OGFOD3: variants seen among roughly 807,000 people sequenced by gnomAD.
OGFOD3 encodes the protein 2-oxoglutarate and iron dependent oxygenase domain containing 3, also known as 2-oxoglutarate and iron-dependent oxygenase domain-containing protein 3.
In OGFOD3, 35 loss-of-function variants were observed where a neutral mutation model predicts 39.8. That is an observed-to-expected ratio of 0.88 (90% confidence interval 0.67 to 1.17). The LOEUF (loss-of-function observed/expected upper bound fraction) is 1.17, where lower values mean the gene tolerates loss of function less well. Ranked by LOEUF, OGFOD3 falls within the 50% of genes most tolerant of loss-of-function variation. The pLI is 0.00. For missense variants in OGFOD3, 438 were observed against 454.5 expected (o/e 0.96, Z 0.33); for synonymous variants, 200 against 192.0 (o/e 1.04, Z -0.34).
intron 3 of OGFOD3, among the ~76,000 whole-genome samples, chr17:82,411,140 G>A (rs1169485693): frequency 1.3e-5 from 2 of 149,306 alleles, no homozygotes; most frequent in African/African-American, 2.5e-5. Flanking sequence ...TCTGCCTCCC[G>A]GGTTCCAGCG....
rs376337544 is a variant in OGFOD3, at chr17:82,392,326, G to C, written c.*72C>G. ...CTGTGCAACAGGAGCGGGTGGACGT[G>C]GGGGTGGGTGCACGACTGGCGCGGC... On this transcript the variant is annotated 3_prime_UTR_variant, in exon 9 of 9. Transcript: ENST00000313056. This position sits in a 1 kb window ranked among gnomAD's most constrained non-coding sequence, Gnocchi z 4.2. 2.9e-4 allele frequency: 444 copies of C among 1,521,200 alleles called. No individual in the cohort carries two copies. The African/African-American group carries it at 5.5e-3, about 19-fold the overall frequency. 94.2% of individuals were successfully genotyped at this position (1,521,200 alleles called of 1,614,324 possible).
rs1029244392 is a variant in OGFOD3 at position 82,392,589 on chromosome 17, C to T, written c.824-55G>A. 3.2e-6 allele frequency: 5 copies of T among 1,545,046 alleles called. No homozygotes were observed. In the African/African-American group the frequency reaches 6.9e-5, roughly 21 times the overall value. On this transcript the variant is annotated intron_variant, in intron 8 of 8. Coordinates refer to ENST00000313056, the MANE Select transcript of OGFOD3 (RefSeq NM_024648.3). This position sits in a 1 kb window ranked among gnomAD's most constrained non-coding sequence, Gnocchi z 4.2. ...ATAGAGCCACACCCACGGCCACAGC[C>T]TTCAGAGGGTCTGCGGTCACCTGAA...
In OGFOD3 at chr17:82,405,426, C is replaced by T. The variant is rs527444141; in HGVS notation, c.489-46G>A. 1.5e-5 allele frequency: 22 copies of T among 1,482,918 alleles called. No individual in the cohort carries two copies. In the Middle Eastern group the frequency reaches 5.2e-4, roughly 35 times the overall value. The allele number at this position is 1,482,918 out of a possible 1,614,324, so 91.9% of individuals were successfully genotyped here. On this transcript the variant is annotated intron_variant, in intron 5 of 8. Transcript: ENST00000313056. ...ACAAAGGTCACAACACTTCATTAATCTGTTGTTCATCTCCTTTCAGTTCAG... is the reference window on the plus strand; with the variant it reads ...ACAAAGGTCACAACACTTCATTAATTTGTTGTTCATCTCCTTTCAGTTCAG...
At chr17:82,399,007 G>T (rs1161044583) in intron 7 of OGFOD3, among the ~76,000 whole-genome samples, 1 of 132,904 alleles carries the variant, frequency 7.5e-6, no homozygotes, top group Non-Finnish European at 1.6e-5. Context: ...GTTGGGGCGG[G>T]GTGGTGGGGG....
At chr17:82,400,381 A>G (rs148567502) in intron 7 of OGFOD3, among the ~76,000 whole-genome samples, 141 of 152,342 alleles carry the variant, frequency 9.3e-4, no homozygotes, top group African/African-American at 3.3e-3. Flanking sequence ...CAAGTGAGCA[A>G]AGCCGCGTGC....
chr17:82,412,803 C>G (rs952802196), intron 2 of OGFOD3, among the ~76,000 whole-genome samples: 1 of 152,180 alleles, frequency 6.6e-6, no homozygotes, highest in African/African-American at 2.4e-5. Flanking sequence ...CCACAAGCAC[C>G]AGGACATGGG....
At chr17:82,414,558 AAGAG>A (rs1754672051) in intron 2 of OGFOD3, among the ~76,000 whole-genome samples, 1 of 152,252 alleles carries the variant, frequency 6.6e-6, no homozygotes, top group South Asian at 2.1e-4. Flanking sequence ...TCTGCTAAGA[AAGAG>A]AGAGCACCCA....
Position 82,392,739 on chromosome 17 carries a change from C to T in OGFOD3, c.824-205G>A, listed in dbSNP as rs747728655. The T allele has an allele frequency of 2.6e-5, 17 of 653,616 alleles. No homozygotes were observed. Among genetic ancestry groups the T allele is most frequent in the South Asian group, 4.2e-5 (2 of 47,598 alleles). 40.5% of individuals were successfully genotyped at this position (653,616 alleles called of 1,614,324 possible). A position where few individuals can be genotyped will look rare whatever the true frequency, so the allele number is the denominator to read the frequency against. On this transcript the variant is annotated intron_variant, in intron 8 of 8. Transcript: ENST00000313056. The surrounding 1 kb of genome is among the most constrained non-coding windows in gnomAD (Gnocchi z 4.2). The stretch of plus-strand genomic sequence containing the variant: ...GCAGCAATGCTCAGGGGCCCTGTGG[C>T]GGAGGAGGGGCCCCCCGGGGCCAGC...
At chr17:82,410,764 G>C (rs536916299) in intron 3 of OGFOD3, among the ~76,000 whole-genome samples, 103 of 140,076 alleles carry the variant, frequency 7.4e-4, no homozygotes, top group African/African-American at 2.7e-3. Flanking sequence ...TGTCACCCAG[G>C]CTGGAATGCA....
intron 4 of OGFOD3, among the ~76,000 whole-genome samples, chr17:82,407,303 G>C (rs2052871372): frequency 6.6e-6 from 1 of 151,836 alleles, no homozygotes; most frequent in Admixed American, 6.6e-5. Flanking sequence ...AAACACTTTT[G>C]TTCCCTGTGA....
chr17:82,399,944 A>T (rs939432182), intron 7 of OGFOD3, among the ~76,000 whole-genome samples: 1 of 152,174 alleles, frequency 6.6e-6, no homozygotes, highest in Non-Finnish European at 1.5e-5. Flanking sequence ...CCAGCGCGGA[A>T]CTGGACACCC....
At chr17:82,409,701 C>T (rs1329850971) in intron 3 of OGFOD3, among the ~76,000 whole-genome samples, 2 of 152,186 alleles carry the variant, frequency 1.3e-5, no homozygotes, top group Admixed American at 6.5e-5. Context: ...TCCAGACCAG[C>T]CTGGCCAACA....
intron 7 of OGFOD3, among the ~76,000 whole-genome samples, chr17:82,402,432 CA>C (rs1306690941): frequency 4.4e-4 from 61 of 137,130 alleles, no homozygotes; most frequent in South Asian, 4.2e-3. Context: ...AAGACTGTCT[CA>C]AAAAAAAAAA....
chr17:82,395,089 T>C (rs968617343), intron 8 of OGFOD3, among the ~76,000 whole-genome samples: 2 of 152,182 alleles, frequency 1.3e-5, no homozygotes, highest in African/African-American at 4.8e-5. Context: ...CAGTATGCAA[T>C]GGTAGGATCT....
Position 82,415,284 on chromosome 17 carries a change from G to C in OGFOD3, c.304+114C>G, listed in dbSNP as rs1378848688. ...CTAGCCAGCCTGCAGGAGGGGAGAG[G>C]TTGTCTGCTACCCCCAAGCATACCA... is the stretch of plus-strand genomic sequence containing the variant. On this transcript the variant is annotated intron_variant, in intron 2 of 8. Transcript: ENST00000313056. The surrounding 1 kb of genome is among the most constrained non-coding windows in gnomAD (Gnocchi z 5.3). The C allele has an allele frequency of 6.6e-6, 7 of 1,068,636 alleles. No individual in the cohort carries two copies. Among genetic ancestry groups the C allele is most frequent in the Admixed American group, 2.0e-5 (1 of 49,434 alleles). 66.2% of individuals were successfully genotyped at this position (1,068,636 alleles called of 1,614,324 possible).
chr17:82,393,975 G>C (rs2052631365), intron 8 of OGFOD3: 1 of 155,000 alleles, frequency 6.5e-6, no homozygotes, highest in African/African-American at 2.4e-5. Flanking sequence ...GATCAATACG[G>C]GGCCAGAAAA....
Position 82,391,840 on chromosome 17 carries a change from G to T in OGFOD3, c.*558C>A, listed in dbSNP as rs2052600537. The T allele has an allele frequency of 6.4e-6, 1 of 155,742 alleles. No homozygotes were observed. Among genetic ancestry groups the T allele is most frequent in the Non-Finnish European group, 1.4e-5 (1 of 70,296 alleles). The allele number at this position is 155,742 out of a possible 1,614,324, so 9.6% of individuals were successfully genotyped here. A position where few individuals can be genotyped will look rare whatever the true frequency, so the allele number is the denominator to read the frequency against. On this transcript the variant is annotated 3_prime_UTR_variant, in exon 9 of 9. Coordinates refer to ENST00000313056, the MANE Select transcript of OGFOD3 (RefSeq NM_024648.3). The surrounding 1 kb of genome is among the most constrained non-coding windows in gnomAD (Gnocchi z 5.1). ...GCCAGCAGCATTGGGGGTGCACGCA[G>T]GGCTGTGGGAACGGCAGATGTTCAC...
chr17:82,413,279 C>T (rs1441772251), intron 2 of OGFOD3, among the ~76,000 whole-genome samples: 1 of 152,172 alleles, frequency 6.6e-6, no homozygotes, highest in Admixed American at 6.6e-5. Flanking sequence ...GAGGGTCCCC[C>T]GCGGCACAGG....
intron 3 of OGFOD3, among the ~76,000 whole-genome samples, chr17:82,410,879 C>A (rs866674428): frequency 6.6e-6 from 1 of 151,206 alleles, no homozygotes; most frequent in African/African-American, 2.4e-5. Flanking sequence ...CCATCACACT[C>A]GGCTAATTTT....
Sources: allele counts gnomAD v4.1 joint callset (sites outside exome capture counted in the v4.1 genomes callset), GRCh38; gene constraint gnomAD v4.1.1; non-coding constraint Gnocchi (gnomAD v3.1); transcripts MANE v1.5; gene names NCBI Gene and HGNC (gene_info 2026-07-23, HGNC 2026-07-21).